Variants in TBC1D5 observed in about 807,000 individuals in gnomAD.
TBC1D5 encodes the protein TBC1 domain family, member 5.
In TBC1D5, 75 loss-of-function variants were observed where a neutral mutation model predicts 100.3. That is an observed-to-expected ratio of 0.75 (90% CI 0.62 to 0.91). The LOEUF (loss-of-function observed/expected upper bound fraction) is 0.91. TBC1D5 is among the 40% of genes least tolerant of loss of function. The pLI, the probability that TBC1D5 is intolerant of heterozygous loss-of-function variation, is 0.00. For synonymous variants in TBC1D5, 323 were observed against 325.6 expected, an observed-to-expected ratio of 0.99 and a Z score of 0.09; for missense variants, 910 against 942.4, an observed-to-expected ratio of 0.97 and a Z score of 0.45.
chr3:17,160,985 A>G (rs753729040), exon 22 of TBC1D5: 13 of 1,614,010 alleles, frequency 8.1e-6, no homozygotes, highest in South Asian at 5.5e-5. Context: ...GGGACTCACA[A>G]TGGTGAAGCC....
chr3:17,406,301 T>C (rs1206591156), intron 5 of TBC1D5, 117 bp downstream of exon 5: 2 of 798,690 alleles, frequency 2.5e-6, no homozygotes, highest in Admixed American at 3.0e-5. Flanking sequence ...GTCAAAATAA[T>C]GGGAGTGAAG....
intron 1 of TBC1D5, among the ~76,000 whole-genome samples, chr3:17,652,580 T>C (rs2065679743): frequency 6.6e-6 from 1 of 152,188 alleles, no homozygotes; most frequent in Admixed American, 6.5e-5. Context: ...CACTATATCT[T>C]GTTATCATTA....
At chr3:17,640,787 A>G (rs2064423751) in intron 1 of TBC1D5, among the ~76,000 whole-genome samples, 1 of 152,088 alleles carries the variant, frequency 6.6e-6, no homozygotes, top group African/African-American at 2.4e-5. Flanking sequence ...GAAATAAAAT[A>G]TTTTCATAAA....
At chr3:17,474,510 C>A (rs1559967136) in intron 3 of TBC1D5, among the ~76,000 whole-genome samples, 1 of 148,476 alleles carries the variant, frequency 6.7e-6, no homozygotes, top group African/African-American at 2.5e-5. Context: ...ATTCTCTATC[C>A]AAAAGGAAAA....
chr3:17,196,868 G>C (rs746116591), intron 18 of TBC1D5, among the ~76,000 whole-genome samples: 2 of 152,116 alleles, frequency 1.3e-5, no homozygotes, highest in Non-Finnish European at 2.9e-5. Flanking sequence ...ATGTGAACTT[G>C]TTTCAATGAG....
In TBC1D5 at chr3:17,559,880, C is replaced by T. The variant is rs528903327; in HGVS notation, c.-35-51275G>A. The stretch of plus-strand genomic sequence containing the variant: ...CTGGGATTACAGGCGTGAGCCACCG[C>T]GCCCGGCCAAATCTAGAATTTTTTT... On this transcript the variant is annotated intron_variant, in intron 2 of 21. Transcript: ENST00000253692. 6.6e-5 allele frequency among the ~76,000 whole-genome samples: 10 copies of T among 151,818 alleles called. No homozygotes were observed. In the East Asian group the frequency reaches 1.8e-3, roughly 27 times the overall value.
chr3:17,533,405 T>G (rs1272493807), intron 2 of TBC1D5, among the ~76,000 whole-genome samples: 1 of 152,154 alleles, frequency 6.6e-6, no homozygotes, highest in African/African-American at 2.4e-5. Context: ...CCTACACTAG[T>G]GTATGGCATA....
chr3:17,180,448 A>G (rs2068311683), intron 19 of TBC1D5, among the ~76,000 whole-genome samples: 1 of 152,234 alleles, frequency 6.6e-6, no homozygotes, highest in Non-Finnish European at 1.5e-5. Flanking sequence ...AGTACTTGAC[A>G]TTTTAAGATA....
At chr3:17,180,578 T>C (rs1007679378) in intron 19 of TBC1D5, among the ~76,000 whole-genome samples, 2 of 152,270 alleles carry the variant, frequency 1.3e-5, no homozygotes, top group South Asian at 2.1e-4. Flanking sequence ...ATATATAAAA[T>C]GGAATACTAT....
At chr3:17,564,733 T>C (rs1007506367) in intron 2 of TBC1D5, among the ~76,000 whole-genome samples, 2 of 152,174 alleles carry the variant, frequency 1.3e-5, no homozygotes, top group Non-Finnish European at 2.9e-5. Flanking sequence ...GTAGTCAGCA[T>C]AGACAAATGG....
intron 1 of TBC1D5, among the ~76,000 whole-genome samples, chr3:17,679,872 C>T (rs1448411975): frequency 6.6e-6 from 1 of 151,448 alleles, no homozygotes; most frequent in African/African-American, 2.5e-5. Flanking sequence ...CTGAGACTAG[C>T]TGACCCTTGC....
At chr3:17,560,334 T>C (rs563271781) in intron 2 of TBC1D5, among the ~76,000 whole-genome samples, 13 of 152,312 alleles carry the variant, frequency 8.5e-5, no homozygotes, top group Admixed American at 7.2e-4. Flanking sequence ...AAGGCAAATA[T>C]AGTCCAGACT....
At chr3:17,353,886 A>T (rs914931405) in intron 13 of TBC1D5, among the ~76,000 whole-genome samples, 13 of 152,080 alleles carry the variant, frequency 8.5e-5, no homozygotes, top group African/African-American at 3.1e-4. Context: ...TTTATTTATA[A>T]TGGGTTTGTG....
At position 17,272,277 on chromosome 3, in the gene TBC1D5, T is replaced by A. The variant is rs549810195; in HGVS notation, c.1246-13686A>T. 2.7e-3 allele frequency among the ~76,000 whole-genome samples: 406 copies of A among 152,224 alleles called. 2 individuals are homozygous for A. The highest frequency in any genetic ancestry group is 2.2e-3 in the Non-Finnish European group (151 of 68,020). On this transcript the variant is annotated intron_variant, in intron 15 of 21. Coordinates refer to ENST00000253692, the Ensembl canonical transcript of TBC1D5. ...TATAAAAAGCAATAGACAATTTTTT[T>A]AAAAATCAACAAATGATACACTGTA...
At chr3:17,404,830 A>G (rs377325262) in intron 6 of TBC1D5, 42 bp downstream of exon 6, 7 of 1,566,862 alleles carry the variant, frequency 4.5e-6, no homozygotes, top group Admixed American at 3.7e-5. Context: ...TAAAGTGTAC[A>G]TAAGAAAACA....
At chr3:17,706,422 T>TACACACAC (rs34977117) in intron 1 of TBC1D5, among the ~76,000 whole-genome samples, 69 of 151,418 alleles carry the variant, frequency 4.6e-4, no homozygotes, top group African/African-American at 1.6e-3. Context: ...CAACTTTACT[T>TACACACAC]ACACACACAC....
At chr3:17,232,500 G>A (rs144858901) in intron 17 of TBC1D5, among the ~76,000 whole-genome samples, 7 of 152,234 alleles carry the variant, frequency 4.6e-5, no homozygotes, top group African/African-American at 1.7e-4. Context: ...CTTTCCTCTT[G>A]TCCATGCTAT....
chr3:17,287,874 C>A (rs950105813), intron 15 of TBC1D5, among the ~76,000 whole-genome samples: 7 of 152,166 alleles, frequency 4.6e-5, no homozygotes, highest in African/African-American at 1.7e-4. Context: ...AGGCTCAGAG[C>A]TCCTTGTTTG....
intron 2 of TBC1D5, among the ~76,000 whole-genome samples, chr3:17,587,716 T>C (rs1014105014): frequency 6.6e-6 from 1 of 152,074 alleles, no homozygotes; most frequent in African/African-American, 2.4e-5. Context: ...AATACTTTTC[T>C]GAATTATATT....
Sources: gnomAD v4.1 joint callset for allele counts (sites outside exome capture counted in the v4.1 genomes callset) on GRCh38, gnomAD v4.1.1 for gene constraint, MANE v1.5 for transcripts, NCBI Gene and HGNC (gene_info 2026-07-23, HGNC 2026-07-21) for gene names.